The following ENTREP2 variants were observed in gnomAD, a reference collection of about 807,000 sequenced individuals.
The protein encoded by ENTREP2 is protein ENTREP2.
chr15:29,493,004 C>CA, the ENTREP2 span, among the ~76,000 whole-genome samples: 62 of 122,616 alleles, frequency 5.1e-4, no homozygotes, highest in South Asian at 5.4e-4. Context: ...ACTCCGTCTC[C>CA]AAAAAAAAAA....
At chr15:29,216,442 C>T in the ENTREP2 span, among the ~76,000 whole-genome samples, 2 of 152,222 alleles carry the variant, frequency 1.3e-5, no homozygotes, top group African/African-American at 4.8e-5. Flanking sequence ...GACAATGTAC[C>T]TAGGTGATGA....
chr15:29,124,595 G>A, the ENTREP2 span: 8 of 1,090,406 alleles, frequency 7.3e-6, no homozygotes, highest in South Asian at 2.8e-5. Context: ...GTGAGGAGCT[G>A]CATTTGGAAA....
chr15:29,211,706 G>T, the ENTREP2 span, among the ~76,000 whole-genome samples: 1 of 152,116 alleles, frequency 6.6e-6, no homozygotes, highest in South Asian at 2.1e-4. Flanking sequence ...GGATTTTGTT[G>T]AATGCTTTTT....
chr15:29,209,763 C>T, the ENTREP2 span, among the ~76,000 whole-genome samples: 4 of 152,240 alleles, frequency 2.6e-5, no homozygotes, highest in Non-Finnish European at 2.9e-5. Flanking sequence ...CCTCTGCTCT[C>T]GGGGACTGAG....
the ENTREP2 span, among the ~76,000 whole-genome samples, chr15:29,573,764 G>A: frequency 3.3e-5 from 5 of 151,514 alleles, no homozygotes; most frequent in Non-Finnish European, 7.4e-5. Context: ...TTTCAGCTTG[G>A]TGGATTAGGA....
chr15:29,362,464 TC>T, the ENTREP2 span, among the ~76,000 whole-genome samples: 1 of 137,710 alleles, frequency 7.3e-6, no homozygotes, highest in Admixed American at 7.9e-5. Flanking sequence ...AACTTCCGCC[TC>T]CCGGGTTCAA....
chr15:29,641,220 T>C, the ENTREP2 span, among the ~76,000 whole-genome samples: 2 of 152,218 alleles, frequency 1.3e-5, no homozygotes, highest in East Asian at 3.9e-4. Context: ...AATATCATAC[T>C]TAGTAGAGAG....
At chr15:29,305,832 A>G in the ENTREP2 span, among the ~76,000 whole-genome samples, 2 of 152,236 alleles carry the variant, frequency 1.3e-5, no homozygotes, top group African/African-American at 4.8e-5. Flanking sequence ...GATAGTTTTT[A>G]AAGCCATGGG....
the ENTREP2 span, among the ~76,000 whole-genome samples, chr15:29,326,295 T>A: frequency 2.4e-4 from 36 of 152,312 alleles, no homozygotes; most frequent in African/African-American, 8.4e-4. Flanking sequence ...CTGTCTTTGT[T>A]CATAAATGAT....
the ENTREP2 span, among the ~76,000 whole-genome samples, chr15:29,618,719 A>T: frequency 2.7e-5 from 4 of 147,894 alleles, no homozygotes; most frequent in African/African-American, 1.1e-4. Flanking sequence ...GGCTGCCCTG[A>T]TGGGTGGTGG....
chr15:29,269,484 G>C, the ENTREP2 span: 6 of 1,610,718 alleles, frequency 3.7e-6, no homozygotes, highest in Non-Finnish European at 5.1e-6. Flanking sequence ...CCACGGCGGG[G>C]GCGGCCTGGG....
the ENTREP2 span, among the ~76,000 whole-genome samples, chr15:29,529,306 C>T: frequency 1.5e-5 from 2 of 130,060 alleles, no homozygotes; most frequent in African/African-American, 2.9e-5. Context: ...AGGAAGGCTA[C>T]GCCTCACTCA....
At chr15:29,336,634 G>C in the ENTREP2 span, among the ~76,000 whole-genome samples, 12 of 85,128 alleles carry the variant, frequency 1.4e-4, no homozygotes, top group Non-Finnish European at 3.7e-4. Flanking sequence ...AAAGTCAAAA[G>C]AAAACAGTGT....
At chr15:29,223,985 A>C in the ENTREP2 span, among the ~76,000 whole-genome samples, 1 of 152,192 alleles carries the variant, frequency 6.6e-6, no homozygotes, top group Non-Finnish European at 1.5e-5. Flanking sequence ...CTGTACTCAG[A>C]AGTGTGTCCA....
chr15:29,201,916 TG>T, the ENTREP2 span, among the ~76,000 whole-genome samples: 23 of 152,362 alleles, frequency 1.5e-4, no homozygotes, highest in Middle Eastern at 3.4e-3. Flanking sequence ...ATTTTGTTTT[TG>T]GAAGTTTTAG....
the ENTREP2 span, among the ~76,000 whole-genome samples, chr15:29,672,079 T>C: frequency 2.0e-5 from 3 of 152,196 alleles, no homozygotes; most frequent in African/African-American, 7.2e-5. Flanking sequence ...CTCTGCCTCC[T>C]GGGTTCAAAT....
chr15:29,640,986 G>A, the ENTREP2 span, among the ~76,000 whole-genome samples: 22 of 152,230 alleles, frequency 1.4e-4, no homozygotes, highest in South Asian at 6.2e-4. Flanking sequence ...ATAATCAAGT[G>A]GGATTTATCC....
At chr15:29,254,341 G>A in the ENTREP2 span, among the ~76,000 whole-genome samples, 2 of 152,050 alleles carry the variant, frequency 1.3e-5, no homozygotes, top group Admixed American at 6.6e-5. Context: ...AATGATTCTT[G>A]ACGATACAAA....
chr15:29,493,305 T>C, the ENTREP2 span, among the ~76,000 whole-genome samples: 1 of 149,948 alleles, frequency 6.7e-6, no homozygotes, highest in Non-Finnish European at 1.5e-5. Flanking sequence ...GGCTAATTTT[T>C]TGTATTTTTA....
Sources: gnomAD v4.1 joint callset for allele counts (sites outside exome capture counted in the v4.1 genomes callset) on GRCh38, gnomAD v4.1.1 for gene constraint, MANE v1.5 for transcripts, NCBI Gene and HGNC (gene_info 2026-07-23, HGNC 2026-07-21) for gene names.